TAFA2: variants seen among roughly 807,000 people sequenced by gnomAD.
The protein encoded by TAFA2 is TAFA chemokine like family member 2, also known as chemokine-like protein TAFA-2.
A neutral mutation model predicts 18.8 loss-of-function variants in TAFA2; 7 were observed. The observed-to-expected ratio is 0.37, with a 90% CI of 0.21 to 0.70. The LOEUF (loss-of-function observed/expected upper bound fraction) is 0.70, where lower values mean the gene tolerates loss of function less well. Among genes scored for constraint, TAFA2 ranks in the 30% least tolerant of loss-of-function variants. The pLI is 0.53. For synonymous variants in TAFA2, 60 were observed against 54.2 expected (o/e 1.11, Z -0.47); for missense variants, 122 against 158.1 (o/e 0.77, Z 1.23).
intron 2 of TAFA2, among the ~76,000 whole-genome samples, chr12:61,814,667 C>G (rs7308204): frequency 2.7e-5 from 4 of 150,834 alleles, no homozygotes; most frequent in Admixed American, 1.3e-4. Context: ...AGGGACTTTG[C>G]AGATATTTTT....
intron 1 of TAFA2, among the ~76,000 whole-genome samples, chr12:61,921,734 T>C (rs1877063899): frequency 6.6e-6 from 1 of 152,178 alleles, no homozygotes; most frequent in Non-Finnish European, 1.5e-5. Flanking sequence ...GTTTGCATAC[T>C]GATGTTATTT....
chr12:61,718,881 TA>T (rs1456158865), intron 4 of TAFA2, among the ~76,000 whole-genome samples: 2 of 152,188 alleles, frequency 1.3e-5, no homozygotes, highest in Non-Finnish European at 2.9e-5. Context: ...AATTGTACTT[TA>T]AAAAATGAGT....
chr12:62,157,111 C>G (rs186732446), intron 1 of TAFA2, among the ~76,000 whole-genome samples: 2 of 152,014 alleles, frequency 1.3e-5, no homozygotes, highest in Non-Finnish European at 2.9e-5. Context: ...AAGCACAATG[C>G]TCTTCAAAAA....
At chr12:61,996,357 G>A (rs766444445) in intron 1 of TAFA2, among the ~76,000 whole-genome samples, 5 of 152,032 alleles carry the variant, frequency 3.3e-5, no homozygotes, top group Non-Finnish European at 5.9e-5. Context: ...TACTCCAACC[G>A]ATGTTTCAGT....
At chr12:61,901,619 A>T (rs1471283050) in intron 1 of TAFA2, among the ~76,000 whole-genome samples, 1 of 152,034 alleles carries the variant, frequency 6.6e-6, no homozygotes, top group Non-Finnish European at 1.5e-5. Flanking sequence ...TCCAGAAGCC[A>T]TTTGAAGAAA....
intron 2 of TAFA2, among the ~76,000 whole-genome samples, chr12:61,780,955 A>T (rs1870477683): frequency 6.6e-6 from 1 of 151,578 alleles, no homozygotes; most frequent in Admixed American, 6.6e-5. Context: ...ATCTAAATCA[A>T]ATTTGCTCGA....
intron 1 of TAFA2, among the ~76,000 whole-genome samples, chr12:62,072,387 TG>T (rs1355704428): frequency 1.2e-4 from 18 of 151,904 alleles, no homozygotes; most frequent in Admixed American, 1.1e-3. Context: ...GAGAATGGCG[TG>T]AACCCAGGAG....
intron 1 of TAFA2, among the ~76,000 whole-genome samples, chr12:62,118,110 G>A (rs1351117145): frequency 1.3e-5 from 2 of 151,988 alleles, no homozygotes; most frequent in African/African-American, 4.8e-5. Context: ...CAGATTTGAG[G>A]CAATAACCAA....
At chr12:61,854,643 T>A (rs1873811041) in intron 2 of TAFA2, among the ~76,000 whole-genome samples, 1 of 152,084 alleles carries the variant, frequency 6.6e-6, no homozygotes, top group African/African-American at 2.4e-5. Context: ...CATCTTAGAC[T>A]TTTATAGCAG....
At chr12:61,745,523 C>T (rs528547232) in intron 4 of TAFA2, among the ~76,000 whole-genome samples, 2 of 152,196 alleles carry the variant, frequency 1.3e-5, no homozygotes, top group South Asian at 4.1e-4. Flanking sequence ...ATGCAAACTC[C>T]CTTGCTCAGC....
intron 1 of TAFA2, among the ~76,000 whole-genome samples, chr12:62,236,721 G>A (rs1028544674): frequency 6.6e-6 from 1 of 152,186 alleles, no homozygotes; most frequent in Non-Finnish European, 1.5e-5. Flanking sequence ...GGAAAGCTTT[G>A]TTAGGTACAG....
At chr12:61,795,099 T>G (rs1441882875) in intron 2 of TAFA2, among the ~76,000 whole-genome samples, 1 of 152,110 alleles carries the variant, frequency 6.6e-6, no homozygotes, top group Admixed American at 6.6e-5. Context: ...GGAGAGGATG[T>G]GGAGAAATAG....
chr12:61,767,408 C>A (rs939882307), intron 2 of TAFA2, among the ~76,000 whole-genome samples: 31 of 152,132 alleles, frequency 2.0e-4, no homozygotes, highest in African/African-American at 7.2e-4. Context: ...TTATTCCCTG[C>A]AAGGATGAAC....
intron 1 of TAFA2, among the ~76,000 whole-genome samples, chr12:61,884,197 T>C (rs912919696): frequency 1.3e-5 from 2 of 152,104 alleles, no homozygotes; most frequent in East Asian, 3.9e-4. Context: ...GAATAAGAGG[T>C]AAGCTTGAAA....
At chr12:61,996,078 GT>G (rs1338391122) in intron 1 of TAFA2, among the ~76,000 whole-genome samples, 1 of 151,350 alleles carries the variant, frequency 6.6e-6, no homozygotes, top group East Asian at 1.9e-4. Flanking sequence ...CATTTTATTT[GT>G]TTTTATAGTC....
intron 1 of TAFA2, among the ~76,000 whole-genome samples, chr12:62,225,041 C>T (rs757256616): frequency 8.6e-5 from 13 of 151,994 alleles, no homozygotes; most frequent in Non-Finnish European, 1.3e-4. Context: ...TTACAGTGAG[C>T]TGAGATCACA....
chr12:61,892,839 G>C (rs1047322233), intron 1 of TAFA2, among the ~76,000 whole-genome samples: 1 of 152,130 alleles, frequency 6.6e-6, no homozygotes, highest in Admixed American at 6.6e-5. Flanking sequence ...ACTCCACCTT[G>C]TTAAATAATA....
intron 1 of TAFA2, among the ~76,000 whole-genome samples, chr12:61,951,247 G>C (rs560404961): frequency 1.3e-4 from 20 of 152,316 alleles, no homozygotes; most frequent in Admixed American, 1.0e-3. Context: ...AACGCTGTAA[G>C]AGTGATGCTT....
intron 1 of TAFA2, among the ~76,000 whole-genome samples, chr12:61,964,629 C>T (rs1407247550): frequency 6.6e-6 from 1 of 151,870 alleles, no homozygotes; most frequent in African/African-American, 2.4e-5. Flanking sequence ...TCTTTGATTC[C>T]TCCCTTTTCC....
Sources: gnomAD v4.1 joint callset for allele counts (sites outside exome capture counted in the v4.1 genomes callset) on GRCh38, gnomAD v4.1.1 for gene constraint, MANE v1.5 for transcripts, NCBI Gene and HGNC (gene_info 2026-07-23, HGNC 2026-07-21) for gene names.